The following ADGRE3 variants were observed in gnomAD, a reference collection of about 807,000 sequenced individuals.
ADGRE3 encodes adhesion G protein-coupled receptor E3, also known as EGF-like module receptor 3.
In ADGRE3, 88 loss-of-function variants were observed where a neutral mutation model predicts 80.1. The ratio of observed to expected loss-of-function variants is 1.10; its 90% CI spans 0.93 to 1.31. ADGRE3 has a LOEUF of 1.31. Ranked by LOEUF, ADGRE3 falls within the 40% of genes most tolerant of loss-of-function variation. The probability of loss-of-function intolerance (pLI) is 0.00; values close to 1 mark genes in which losing one functional copy is unlikely to be tolerated. For missense variants in ADGRE3, 715 were observed against 776.5 expected (o/e 0.92, Z 0.94); for synonymous variants, 281 against 294.8 (o/e 0.95, Z 0.48).
intron 4 of ADGRE3, among the ~76,000 whole-genome samples, chr19:14,659,049 T>TG (rs967754456): frequency 2.7e-5 from 4 of 148,836 alleles, no homozygotes; most frequent in African/African-American, 7.5e-5. Context: ...TTCCCTTTTT[T>TG]TTTTTAGATA....
At chr19:14,616,500 G>T (rs569911959), downstream of ADGRE3, among the ~76,000 whole-genome samples, 8 of 151,916 alleles carry the variant, frequency 5.3e-5, no homozygotes, top group African/African-American at 1.7e-4. Flanking sequence ...GGAAAGTCCC[G>T]GGTAAACCAG....
intron 13 of ADGRE3, among the ~76,000 whole-genome samples, chr19:14,632,426 A>G (rs1031078300): frequency 2.0e-5 from 3 of 152,132 alleles, no homozygotes; most frequent in Admixed American, 2.0e-4. Context: ...AACAAGGCAC[A>G]TGGTCAAGGT....
At chr19:14,668,183 G>A (rs1972154664) in intron 2 of ADGRE3, among the ~76,000 whole-genome samples, 1 of 152,076 alleles carries the variant, frequency 6.6e-6, no homozygotes, top group Non-Finnish European at 1.5e-5. Flanking sequence ...CCCAGGACGT[G>A]GAGGTTGCAG....
At chr19:14,671,964 G>C (rs1473403585) in intron 1 of ADGRE3, among the ~76,000 whole-genome samples, 8 of 152,192 alleles carry the variant, frequency 5.3e-5, no homozygotes, top group Admixed American at 3.9e-4. Flanking sequence ...TGACCGAGCT[G>C]GTCTTGAACT....
At position 14,651,143 on chromosome 19, in the gene ADGRE3, G is replaced by T. The variant is rs201490623; in HGVS notation, c.639C>A (p.Asn213Lys). The T allele has an allele frequency of 3.2e-5, 52 of 1,613,614 alleles. 1 individual carries two copies. In the South Asian group the frequency reaches 4.8e-4, roughly 15 times the overall value. The part of the protein sequence containing the change: ...CSEERKTFNL[N>K]VQMNSMDIRC... ...GGATGTCCATTGAGTTCATTTGGAC[G>T]TTCAAGTTGAATGTCTTTCTTTCTT... Residue 213 changes from asparagine (N) to lysine (K), a missense_variant, in exon 7 of 16, where the codon AAC becomes AAA. Transcript: ENST00000253673.
chr19:14,640,483 G>A (rs1243248412), intron 10 of ADGRE3, among the ~76,000 whole-genome samples: 1 of 151,986 alleles, frequency 6.6e-6, no homozygotes, highest in Non-Finnish European at 1.5e-5. Flanking sequence ...TAGAGACGGA[G>A]TTTTGCCATG....
chr19:14,608,250 T>C, the ADGRE3 span, among the ~76,000 whole-genome samples: 1 of 152,346 alleles, frequency 6.6e-6, no homozygotes, highest in East Asian at 1.9e-4. Flanking sequence ...AGAATCCTTC[T>C]GCTGCCCCTT....
chr19:14,651,338 C>T, intron 6 of ADGRE3, 134 bp from the exon 7 acceptor site: 2 of 988,216 alleles, frequency 2.0e-6, no homozygotes, highest in East Asian at 4.9e-5. Flanking sequence ...TTGCTTGGGC[C>T]CAGGAATTTG....
At chr19:14,668,217 C>T (rs577927445) in intron 2 of ADGRE3, among the ~76,000 whole-genome samples, 1 of 152,194 alleles carries the variant, frequency 6.6e-6, no homozygotes, top group Non-Finnish European at 1.5e-5. Context: ...CACCACTGCA[C>T]TCCAGCCTGG....
chr19:14,663,071 C>T (rs762065088), intron 3 of ADGRE3, among the ~76,000 whole-genome samples: 3 of 151,900 alleles, frequency 2.0e-5, no homozygotes, highest in Non-Finnish European at 2.9e-5. Context: ...GGTGCAATCT[C>T]GGCTCACTGC....
intron 13 of ADGRE3, among the ~76,000 whole-genome samples, chr19:14,631,897 C>T (rs1222481456): frequency 6.6e-6 from 1 of 151,514 alleles, no homozygotes; most frequent in Non-Finnish European, 1.5e-5. Flanking sequence ...AGAGGGACAG[C>T]CATTTTCATT....
At chr19:14,606,941 C>T in the ADGRE3 span, 1 of 999,948 alleles carries the variant, frequency 1.0e-6, no homozygotes, top group Middle Eastern at 2.3e-4. Context: ...CAGGTCCTCA[C>T]CCTGAGGGTC....
chr19:14,646,491 T>G (rs1971403147), intron 8 of ADGRE3, among the ~76,000 whole-genome samples: 1 of 152,044 alleles, frequency 6.6e-6, no homozygotes, highest in Non-Finnish European at 1.5e-5. Context: ...GGATACAGTG[T>G]GATTTATAAT....
intron 14 of ADGRE3, among the ~76,000 whole-genome samples, chr19:14,625,982 G>C (rs565007569): frequency 6.6e-6 from 1 of 152,218 alleles, no homozygotes; most frequent in South Asian, 2.1e-4. Flanking sequence ...TTCAGTTTGG[G>C]AAGATGAATA....
Position 14,641,562 on chromosome 19 carries a change from G to A in ADGRE3, c.1105C>T (p.Leu369=). Residue 369 remains leucine (L), a synonymous_variant, in exon 10 of 16, where the codon CTG becomes TTG. Transcript: ENST00000253673. The part of the protein sequence containing the change: ...ITYVGLSVSL[L]CLLLAALTFL... Reference sequence around the variant, plus strand: ...GTGAGGGCCGCCAGGAGGAGGCACAGCAGAGAGACGCTCAGCCCCACGTAG... The same window carrying A: ...GTGAGGGCCGCCAGGAGGAGGCACAACAGAGAGACGCTCAGCCCCACGTAG... The A allele has an allele frequency of 6.2e-7, 1 of 1,614,218 alleles. No individual in the cohort carries two copies.
chr19:14,600,573 ATTTCT>A, the ADGRE3 span, among the ~76,000 whole-genome samples: 3 of 150,906 alleles, frequency 2.0e-5, no homozygotes, highest in African/African-American at 4.9e-5. Flanking sequence ...GGAAGAGTTT[ATTTCT>A]TTTCTTTTCT....
Position 14,641,422 on chromosome 19 carries a change from G to A in ADGRE3, c.1245C>T (p.Pro415=), listed in dbSNP as rs879334171. Residue 415 remains proline, a synonymous_variant, in exon 10 of 16, where the codon CCC becomes CCT. Transcript: ENST00000253673. Reference sequence around the variant, plus strand: ...TCCTCTGAGACACTGTCAGTACCTTGGGTTCAGTTCGATCAATCCCCACGA... The same window carrying A: ...TCCTCTGAGACACTGTCAGTACCTTAGGTTCAGTTCGATCAATCCCCACGA... ...LFLVGIDRTE[P]KVLCSIIAGA... is the part of the protein sequence containing the mutation. The A allele has an allele frequency of 6.2e-7, 1 of 1,614,040 alleles. No homozygotes were observed. Among genetic ancestry groups the A allele is most frequent in the Non-Finnish European group, 8.5e-7 (1 of 1,179,980 alleles).
At chr19:14,667,285 G>A (rs1205607712) in intron 2 of ADGRE3, among the ~76,000 whole-genome samples, 5 of 151,876 alleles carry the variant, frequency 3.3e-5, no homozygotes, top group Admixed American at 6.6e-5. Flanking sequence ...CCTGTGAATG[G>A]GCCAGTAAAA....
the ADGRE3 span, among the ~76,000 whole-genome samples, chr19:14,606,276 C>T: frequency 1.1e-4 from 16 of 151,456 alleles, no homozygotes; most frequent in Non-Finnish European, 1.6e-4. Context: ...GCCTGTAATC[C>T]TAGATCTTTG....
Sources: gnomAD v4.1 joint callset for allele counts (sites outside exome capture counted in the v4.1 genomes callset) on GRCh38, gnomAD v4.1.1 for gene constraint, MANE v1.5 for transcripts, NCBI Gene and HGNC (gene_info 2026-07-23, HGNC 2026-07-21) for gene names.